TCP11L1: variants seen among roughly 807,000 people sequenced by gnomAD.
TCP11L1 encodes t-complex 11 like 1.
A neutral mutation model predicts 48.9 loss-of-function variants in TCP11L1; 28 were observed. The observed-to-expected ratio is 0.57, with a 90% confidence interval of 0.42 to 0.78. The LOEUF is 0.78. TCP11L1 is among the 30% of genes least tolerant of loss of function. TCP11L1 has a pLI of 0.00. For missense variants in TCP11L1, 505 were observed against 613.4 expected (o/e 0.82, Z 1.87); for synonymous variants, 204 against 231.9 (o/e 0.88, Z 1.09).
intron 2 of TCP11L1, among the ~76,000 whole-genome samples, chr11:33,051,899 G>A (rs1336115123): frequency 6.6e-6 from 1 of 152,094 alleles, no homozygotes; most frequent in Non-Finnish European, 1.5e-5. Flanking sequence ...CAGTCCTCTA[G>A]CTTTATTTTT....
At chr11:33,041,838 A>C (rs1234875906) in intron 1 of TCP11L1, among the ~76,000 whole-genome samples, 1 of 152,186 alleles carries the variant, frequency 6.6e-6, no homozygotes, top group Non-Finnish European at 1.5e-5. Context: ...GAAATTTCAC[A>C]TAATTCTATC....
Position 33,043,786 on chromosome 11 carries a change from C to G in TCP11L1, c.13C>G (p.Leu5Val). 1 of 1,605,992 alleles carries G rather than the reference C, an allele frequency of 6.2e-7. No individual in the cohort carries two copies. Among genetic ancestry groups the G allele is most frequent in the Middle Eastern group, 1.7e-4 (1 of 6,030 alleles). MSEN[L>V]DKSNVNEAGK... ...AACTTAATTGAGAATGTCTGAAAAC[C>G]TTGACAAGTCCAATGTAAATGAAGC... Residue 5 changes from leucine (L) to valine (V), a missense_variant, in exon 2 of 10, where the codon CTT becomes GTT. Leu to Val is a conservative substitution (Grantham distance 32, BLOSUM62 1). Transcript: ENST00000334274.
chr11:33,055,799 C>G (rs1854291375), intron 3 of TCP11L1, among the ~76,000 whole-genome samples: 1 of 152,140 alleles, frequency 6.6e-6, no homozygotes, highest in South Asian at 2.1e-4. Flanking sequence ...GTGCTCAAGA[C>G]AGAAAGACAT....
chr11:33,055,897 A>C (rs941383441), intron 3 of TCP11L1, among the ~76,000 whole-genome samples: 23 of 152,164 alleles, frequency 1.5e-4, no homozygotes, highest in African/African-American at 5.6e-4. Context: ...GGCTCACTGC[A>C]ACCTCTGCTT....
At chr11:33,041,409 C>T (rs908625431) in intron 1 of TCP11L1, 4 of 152,416 alleles carry the variant, frequency 2.6e-5, no homozygotes, top group African/African-American at 9.6e-5. Context: ...GTGTTGGAAG[C>T]TAAGATGGGT....
intron 3 of TCP11L1, among the ~76,000 whole-genome samples, chr11:33,056,429 A>G (rs959085626): frequency 6.6e-6 from 1 of 151,972 alleles, no homozygotes; most frequent in Non-Finnish European, 1.5e-5. Flanking sequence ...TTTTAATGAA[A>G]TGTTATGTTG....
chr11:33,059,781 T>C (rs938508247), intron 6 of TCP11L1, among the ~76,000 whole-genome samples: 1 of 152,214 alleles, frequency 6.6e-6, no homozygotes, highest in African/African-American at 2.4e-5. Flanking sequence ...GTTAAGTGAA[T>C]GCCCCATGCA....
chr11:33,043,425 T>C (rs1170555040), intron 1 of TCP11L1, among the ~76,000 whole-genome samples: 2 of 152,234 alleles, frequency 1.3e-5, no homozygotes, highest in Non-Finnish European at 2.9e-5. Context: ...ATTAAAATTG[T>C]AGCAGCAGGT....
At chr11:33,062,304 C>T (rs142598366) in intron 7 of TCP11L1, among the ~76,000 whole-genome samples, 13 of 151,622 alleles carry the variant, frequency 8.6e-5, no homozygotes, top group South Asian at 2.1e-4. Flanking sequence ...GCCCTCCCCC[C>T]CTCCCTCCAA....
intron 1 of TCP11L1, among the ~76,000 whole-genome samples, chr11:33,043,476 C>G (rs951814707): frequency 6.6e-6 from 1 of 152,212 alleles, no homozygotes; most frequent in African/African-American, 2.4e-5. Flanking sequence ...GCCCTGTATT[C>G]TTGAAACATG....
At chr11:33,044,021 G>A (rs139464903) in intron 2 of TCP11L1, 85 bp downstream of exon 2, 15,999 of 1,339,592 alleles carry the variant, frequency 0.012, 117 homozygotes, top group Non-Finnish European at 0.014. Context: ...GCATGTGGCC[G>A]TGAGCTAGGT....
At chr11:33,059,246 G>C in intron 6 of TCP11L1, 151 bp downstream of exon 6, 1 of 1,061,852 alleles carries the variant, frequency 9.4e-7, no homozygotes, top group South Asian at 1.8e-5. Context: ...AAAATGTTGG[G>C]ACTACATCTA....
intron 2 of TCP11L1, among the ~76,000 whole-genome samples, chr11:33,053,867 T>C (rs770081330): frequency 6.6e-6 from 1 of 152,150 alleles, no homozygotes; most frequent in Non-Finnish European, 1.5e-5. Flanking sequence ...TCTTGCTCTG[T>C]TACCCAGGCT....
At chr11:33,061,808 C>A in intron 7 of TCP11L1, 82 bp downstream of exon 7, 3 of 1,365,294 alleles carry the variant, frequency 2.2e-6, no homozygotes, top group Non-Finnish European at 2.9e-6. Context: ...TGGCCAGGCA[C>A]GGTGGCTCAC....
At position 33,073,060 on chromosome 11, in the gene TCP11L1, C is replaced by G. The variant is rs1458189165; in HGVS notation, c.*384C>G. 4 of 249,426 alleles carry G rather than the reference C, an allele frequency of 1.6e-5. No individual in the cohort carries two copies. Among genetic ancestry groups the G allele is most frequent in the Non-Finnish European group, 7.8e-6 (1 of 127,536 alleles). 15.5% of individuals were successfully genotyped at this position (249,426 alleles called of 1,614,324 possible). A position where few individuals can be genotyped will look rare whatever the true frequency, so the allele number is the denominator to read the frequency against. Reference sequence around the variant, plus strand: ...GACGGCCATCCAAGCGCAAAAGAGACCAAGCCATGGCCTCACCTCCTGCCC... The same window carrying G: ...GACGGCCATCCAAGCGCAAAAGAGAGCAAGCCATGGCCTCACCTCCTGCCC... On this transcript the variant is annotated 3_prime_UTR_variant, in exon 10 of 10. Coordinates refer to ENST00000334274, the MANE Select transcript of TCP11L1 (RefSeq NM_018393.4).
At chr11:33,050,293 G>C (rs962123040) in intron 2 of TCP11L1, among the ~76,000 whole-genome samples, 1 of 152,038 alleles carries the variant, frequency 6.6e-6, no homozygotes, top group African/African-American at 2.4e-5. Context: ...ACAATTTTTT[G>C]CAAAAGCAAG....
At chr11:33,067,422 C>T (rs769638633) in intron 8 of TCP11L1, among the ~76,000 whole-genome samples, 9 of 152,114 alleles carry the variant, frequency 5.9e-5, no homozygotes, top group Non-Finnish European at 1.0e-4. Context: ...CAGTGTGGGG[C>T]GTGTCCGTAA....
intron 9 of TCP11L1, among the ~76,000 whole-genome samples, chr11:33,071,687 GA>G (rs1854794377): frequency 6.6e-6 from 1 of 152,116 alleles, no homozygotes; most frequent in African/African-American, 2.4e-5. Flanking sequence ...GGCTTAGTAG[GA>G]AAAAAGTCTT....
At chr11:33,052,942 A>G (rs1348823400) in intron 2 of TCP11L1, among the ~76,000 whole-genome samples, 2 of 152,132 alleles carry the variant, frequency 1.3e-5, no homozygotes, top group South Asian at 2.1e-4. Flanking sequence ...GGGGTGAGCC[A>G]TGATTGTGCA....
Sources: gnomAD v4.1 joint callset for allele counts (sites outside exome capture counted in the v4.1 genomes callset) on GRCh38, gnomAD v4.1.1 for gene constraint, MANE v1.5 for transcripts, NCBI Gene and HGNC (gene_info 2026-07-23, HGNC 2026-07-21) for gene names.